The following CSTB variants were observed in gnomAD, a reference collection of about 807,000 sequenced individuals.
The protein encoded by CSTB is cystatin B.
In CSTB, 8 loss-of-function variants were observed where a neutral mutation model predicts 7.6. The ratio of observed to expected loss-of-function variants is 1.05; its 90% CI spans 0.62 to 1.89. The LOEUF (loss-of-function observed/expected upper bound fraction) is 1.89. Ranked by LOEUF, CSTB falls within the 40% of genes most tolerant of loss-of-function variation. The pLI, the probability that CSTB is intolerant of heterozygous loss-of-function variation, is 0.00. For synonymous variants in CSTB, 56 were observed against 55.3 expected (o/e 1.01, Z -0.06); for missense variants, 124 against 126.4 (o/e 0.98, Z 0.09).
At chr21:43,775,938 G>A (rs963083518) in intron 1 of CSTB, 4 of 422,330 alleles carry the variant, frequency 9.5e-6, no homozygotes, top group Non-Finnish European at 1.7e-5. Context: ...TGCAGGGACC[G>A]CACCCTGCTC....
chr21:43,776,076 G>T, intron 1 of CSTB, 128 bp downstream of exon 1: 2 of 847,798 alleles, frequency 2.4e-6, no homozygotes, highest in Non-Finnish European at 3.4e-6. Context: ...GCCTCTCACG[G>T]CCACAGCCCG....
intron 1 of CSTB, chr21:43,775,251 C>A (rs1015388311): frequency 1.6e-5 from 4 of 256,680 alleles, no homozygotes; most frequent in African/African-American, 6.8e-5. Flanking sequence ...CAGGCCTCAG[C>A]ATCGCCTGGA....
Position 43,774,753 on chromosome 21 carries a change from A to T in CSTB, c.73T>A (p.Ser25Thr), listed in dbSNP as rs772315538. Residue 25 changes from serine to threonine, a missense_variant, in exon 2 of 3, where the codon TCC (serine) becomes ACC (threonine). Ser to Thr is a moderately conservative substitution (Grantham distance 58). Transcript: ENST00000291568. ...TTGTTTTCTTTCTCTTCAAGCTGGG[A>T]CCTCACCTAGACAGAAGGGACAGAA... ...ETQHIADQVR[S>T]QLEEKENKKF... The T allele has an allele frequency of 1.9e-6, 3 of 1,613,236 alleles. No individual in the cohort carries two copies. Among genetic ancestry groups the T allele is most frequent in the Non-Finnish European group, 2.5e-6 (3 of 1,179,394 alleles).
At position 43,774,032 on chromosome 21, in the gene CSTB, A is replaced by G; in HGVS notation, c.*170T>C. ...TATTGGGAAGGAAAGAAATCAACACAATGAAATTTAGGAAGAGAAATGCAA... is the reference window on the plus strand; with the variant it reads ...TATTGGGAAGGAAAGAAATCAACACGATGAAATTTAGGAAGAGAAATGCAA... On this transcript the variant is annotated 3_prime_UTR_variant, in exon 3 of 3. Coordinates refer to ENST00000291568, the MANE Select transcript of CSTB (RefSeq NM_000100.4). 4 of 741,930 alleles carry G rather than the reference A, an allele frequency of 5.4e-6. No homozygotes were observed. Among genetic ancestry groups the G allele is most frequent in the Non-Finnish European group, 2.3e-6 (1 of 428,560 alleles). 46.0% of individuals were successfully genotyped at this position (741,930 alleles called of 1,614,324 possible). A position where few individuals can be genotyped will look rare whatever the true frequency, so the allele number is the denominator to read the frequency against.
intron 1 of CSTB, 194 bp downstream of exon 1, chr21:43,776,010 C>T: frequency 4.1e-6 from 2 of 488,500 alleles, no homozygotes; most frequent in Admixed American, 4.4e-5. Context: ...TCCCCAGCGG[C>T]GCCCCAGGCG....
chr21:43,774,207 A>C lies in CSTB; in HGVS notation c.292T>G (p.Phe98Val), dbSNP rs2123385384. The C allele has an allele frequency of 6.2e-7, 1 of 1,614,226 alleles. No individual in the cohort carries two copies. The highest frequency in any genetic ancestry group is 1.1e-5 in the South Asian group (1 of 91,086). The change falls in exon 3 of 3, where the codon TTC becomes GTC. Residue 98 changes from phenylalanine to valine, a missense_variant. By Grantham distance (50) the Phe-to-Val change is conservative (BLOSUM62 -1). Coordinates refer to ENST00000291568, the MANE Select transcript of CSTB (RefSeq NM_000100.4). ...NKAKHDELTY[F>V] ...GGCCTTGTCCAAAGTCAGGATCAGAAATAGGTCAGCTCATCATGCTTGGCT... is the reference window on the plus strand; with the variant it reads ...GGCCTTGTCCAAAGTCAGGATCAGACATAGGTCAGCTCATCATGCTTGGCT...
Position 43,776,290 on chromosome 21 carries a change from T to G in CSTB, c.-21A>C. 1 of 1,528,072 alleles carries G rather than the reference T, an allele frequency of 6.5e-7. No homozygotes were observed. Among genetic ancestry groups the G allele is most frequent in the Non-Finnish European group, 8.8e-7 (1 of 1,139,582 alleles). The allele number at this position is 1,528,072 out of a possible 1,614,324, so 94.7% of individuals were successfully genotyped here. A position where few individuals can be genotyped will look rare whatever the true frequency, so the allele number is the denominator to read the frequency against. On this transcript the variant is annotated 5_prime_UTR_variant, in exon 1 of 3. Transcript: ENST00000291568. The stretch of plus-strand genomic sequence containing the variant: ...ATCATCTTGGCGGCGACGGAGGGAA[T>G]CTGGCGAGGGGACTCGGCGAGGGGA...
chr21:43,774,520 G>T, intron 2 of CSTB, 138 bp downstream of exon 2: 2 of 1,121,138 alleles, frequency 1.8e-6, no homozygotes, highest in Non-Finnish European at 2.7e-6. Context: ...AAGGCCGATG[G>T]ACACACACAG....
Position 43,774,670 on chromosome 21 carries a change from G to T in CSTB, c.156C>A (p.Asn52Lys). The T allele has an allele frequency of 6.2e-7, 1 of 1,613,874 alleles. No homozygotes were observed. Among genetic ancestry groups the T allele is most frequent in the Non-Finnish European group, 8.5e-7 (1 of 1,179,780 alleles). The change falls in exon 2 of 3, where the codon AAC becomes AAA. Residue 52 changes from asparagine to lysine, a missense_variant. Coordinates refer to ENST00000291568, the MANE Select transcript of CSTB (RefSeq NM_000100.4). The part of the protein sequence containing the change: ...SFKSQVVAGT[N>K]YFIKVHVGDE... ...GCCCACACTCTACCTTGATGAAGTA[G>T]TTTGTCCCCGCGACCACCTGGCTCT... is the stretch of plus-strand genomic sequence containing the variant.
At chr21:43,775,566 T>G (rs1230382449) in intron 1 of CSTB, 2 of 152,602 alleles carry the variant, frequency 1.3e-5, no homozygotes, top group Non-Finnish European at 2.9e-5. Context: ...CCTGTGGACC[T>G]TTTATGCAGA....
At chr21:43,776,011 G>A (rs2084008031) in intron 1 of CSTB, 193 bp downstream of exon 1, 2 of 488,864 alleles carry the variant, frequency 4.1e-6, no homozygotes, top group Admixed American at 4.4e-5. Context: ...CCCCAGCGGC[G>A]CCCCAGGCGC....
At position 43,774,161 on chromosome 21, in the gene CSTB, T is replaced by G. The variant is rs955665304; in HGVS notation, c.*41A>C. 1.2e-6 allele frequency: 2 copies of G among 1,613,806 alleles called. No individual in the cohort carries two copies. The highest frequency in any genetic ancestry group is 1.7e-6 in the Non-Finnish European group (2 of 1,179,848). On this transcript the variant is annotated 3_prime_UTR_variant, in exon 3 of 3. Transcript: ENST00000291568. ...ACGCTCTGGTAGACGGAGGATGACTTTGTCAGTCTTCTGGCTGAAGGGCCT... is the reference window on the plus strand; with the variant it reads ...ACGCTCTGGTAGACGGAGGATGACTGTGTCAGTCTTCTGGCTGAAGGGCCT...
chr21:43,773,989 A>G lies in CSTB; in HGVS notation c.*213T>C, dbSNP rs1036902560. The stretch of plus-strand genomic sequence containing the variant: ...ATATATCTATTTTGAAAATATTCTG[A>G]AAGTAATTAAGATCACCTATTGGGA... On this transcript the variant is annotated 3_prime_UTR_variant, in exon 3 of 3. Coordinates refer to ENST00000291568, the MANE Select transcript of CSTB (RefSeq NM_000100.4). The G allele has an allele frequency of 4.9e-6, 3 of 615,276 alleles. No homozygotes were observed. Among genetic ancestry groups the G allele is most frequent in the Admixed American group, 2.9e-5 (1 of 34,272 alleles). The allele number at this position is 615,276 out of a possible 1,614,324, so 38.1% of individuals were successfully genotyped here.
rs796052392 is a variant in CSTB, at chr21:43,774,285, A to G, written c.214T>C (p.Ser72Pro). 1.1e-5 allele frequency: 17 copies of G among 1,614,146 alleles called. No homozygotes were observed. The highest frequency in any genetic ancestry group is 2.2e-5 in the South Asian group (2 of 91,086). Reference sequence around the variant, plus strand: ...AAGGGCTTGTTTTCATGAGGGAGAGATTGGAACACTCGCAGGTGTACGAAG... The same window carrying G: ...AAGGGCTTGTTTTCATGAGGGAGAGGTTGGAACACTCGCAGGTGTACGAAG... The part of the protein sequence containing the change: ...EDFVHLRVFQ[S>P]LPHENKPLTL... The change falls in exon 3 of 3, where the codon TCT becomes CCT. Residue 72 changes from serine (S) to proline (P), a missense_variant. Ser to Pro is a moderately conservative substitution (Grantham distance 74). Coordinates refer to ENST00000291568, the MANE Select transcript of CSTB (RefSeq NM_000100.4).
Position 43,774,318 on chromosome 21 carries a change from C to T in CSTB, c.181G>A (p.Asp61Asn), listed in dbSNP as rs199549401. 51 of 1,614,164 alleles carry T rather than the reference C, an allele frequency of 3.2e-5. No homozygotes were observed. Among genetic ancestry groups the T allele is most frequent in the Middle Eastern group, 1.6e-4 (1 of 6,062 alleles). ...ACTCGCAGGTGTACGAAGTCCTCGT[C>T]GCCGACGTGCACCTGGGAAGAGAGC... The part of the protein sequence containing the change: ...TNYFIKVHVG[D>N]EDFVHLRVFQ... The change falls in exon 3 of 3, where the codon GAC (aspartate) becomes AAC (asparagine). Residue 61 changes from aspartate to asparagine, a missense_variant. Asp to Asn is a conservative substitution (Grantham distance 23). Coordinates refer to ENST00000291568, the MANE Select transcript of CSTB (RefSeq NM_000100.4).
In CSTB at chr21:43,774,100, G is replaced by A; in HGVS notation, c.*102C>T. On this transcript the variant is annotated 3_prime_UTR_variant, in exon 3 of 3. Coordinates refer to ENST00000291568, the MANE Select transcript of CSTB (RefSeq NM_000100.4). ...TGCCCCTTCCACCCCAAGGGGCACA[G>A]CCCGGAGATGAAGCTTATTTTAGGA... 20 of 1,519,284 alleles carry A rather than the reference G, an allele frequency of 1.3e-5. No individual in the cohort carries two copies. The highest frequency in any genetic ancestry group is 1.6e-5 in the Non-Finnish European group (18 of 1,096,096). The allele number at this position is 1,519,284 out of a possible 1,614,324, so 94.1% of individuals were successfully genotyped here. A position where few individuals can be genotyped will look rare whatever the true frequency, so the allele number is the denominator to read the frequency against.
intron 1 of CSTB, 82 bp downstream of exon 1, chr21:43,776,122 C>T: frequency 7.5e-7 from 1 of 1,327,968 alleles, no homozygotes; most frequent in Non-Finnish European, 1.0e-6. Flanking sequence ...GCCAAAGCGG[C>T]TTCTTTCGCT....
chr21:43,776,276 G>A lies in CSTB; in HGVS notation c.-7C>T, dbSNP rs2084009902. The stretch of plus-strand genomic sequence containing the variant: ...AGGGCGCCCCGCACATCATCTTGGC[G>A]GCGACGGAGGGAATCTGGCGAGGGG... On this transcript the variant is annotated 5_prime_UTR_variant, in exon 1 of 3. Coordinates refer to ENST00000291568, the MANE Select transcript of CSTB (RefSeq NM_000100.4). 1.3e-6 allele frequency: 2 copies of A among 1,529,180 alleles called. No homozygotes were observed. The highest frequency in any genetic ancestry group is 1.2e-5 in the South Asian group (1 of 82,342). The allele number at this position is 1,529,180 out of a possible 1,614,324, so 94.7% of individuals were successfully genotyped here.
chr21:43,774,203 C>A lies in CSTB; in HGVS notation c.296G>T (p.Ter99LeuextTer2), dbSNP rs1485823721. 1 of 1,614,170 alleles carries A rather than the reference C, an allele frequency of 6.2e-7. No homozygotes were observed. Among genetic ancestry groups the A allele is most frequent in the South Asian group, 1.1e-5 (1 of 91,084 alleles). Residue 99 changes from the stop codon to leucine (L), a stop_lost, in exon 3 of 3, where the codon TGA becomes TTA. Transcript: ENST00000291568. ...KAKHDELTYF[*>L] ...GAAGGGCCTTGTCCAAAGTCAGGAT[C>A]AGAAATAGGTCAGCTCATCATGCTT... is the stretch of plus-strand genomic sequence containing the variant.
Sources: gnomAD v4.1 joint callset for allele counts on GRCh38, gnomAD v4.1.1 for gene constraint, MANE v1.5 for transcripts, NCBI Gene and HGNC (gene_info 2026-07-23, HGNC 2026-07-21) for gene names.